Variants in CCDC180 observed in about 807,000 individuals in gnomAD.
The protein encoded by CCDC180 is coiled-coil domain-containing protein 180.
In CCDC180, 154 loss-of-function variants were observed where a neutral mutation model predicts 209.2. The observed-to-expected ratio is 0.74, with a 90% CI of 0.65 to 0.84. The LOEUF (loss-of-function observed/expected upper bound fraction) is 0.84. Ranked by LOEUF, CCDC180 falls within the 40% of genes least tolerant of loss-of-function variation. CCDC180 has a pLI of 0.00. For synonymous variants in CCDC180, 778 were observed against 749.1 expected (o/e 1.04, Z -0.63); for missense variants, 1,874 against 1,997.3 (o/e 0.94, Z 1.18).
chr9:97,328,175 C>CTT, intron 16 of CCDC180, 29 bp downstream of exon 16: 3 of 1,608,360 alleles, frequency 1.9e-6, no homozygotes, highest in Non-Finnish European at 1.7e-6. Context: ...TACACCCAGC[C>CTT]ACTCATGAAG....
intron 29 of CCDC180, chr9:97,365,442 C>A: frequency 2.0e-6 from 1 of 490,096 alleles, no homozygotes; most frequent in Non-Finnish European, 3.7e-6. Context: ...GAAATTGCAG[C>A]TGAGCTGGGG....
At position 97,330,163 on chromosome 9, in the gene CCDC180, G is replaced by T; in HGVS notation, c.1798G>T (p.Gly600Ter). ...TGGTTTTTCCTTGTAGAACTTGGCT[G>T]GAGAAGTCATTTTCAAATTCAGGCA... ...VREIFEQNLA[G>*]EVIFKFRQPE... is the part of the protein sequence containing the mutation. Residue 600 changes from glycine to a stop codon, truncating the protein, a stop_gained, in exon 17 of 37, where the codon GGA becomes TGA. Transcript: ENST00000529487. LOFTEE classifies it high-confidence loss of function. The T allele has an allele frequency of 6.2e-7, 1 of 1,613,688 alleles. No homozygotes were observed. Among genetic ancestry groups the T allele is most frequent in the South Asian group, 1.1e-5 (1 of 91,060 alleles).
In CCDC180 at chr9:97,307,980, C is replaced by T; in HGVS notation, c.-81-3C>T. ...TTTGGGACGGGCGATTTCCCAACCT[C>T]AGGAATTGGAATTGAGACACCAAAG... On this transcript the variant is annotated splice_polypyrimidine_tract_variant and splice_region_variant and intron_variant, in intron 1 of 36. Coordinates refer to ENST00000529487, the MANE Select transcript of CCDC180 (RefSeq NM_020893.6). 1 of 1,590,048 alleles carries T rather than the reference C, an allele frequency of 6.3e-7. No individual in the cohort carries two copies.
chr9:97,371,860 G>A, intron 34 of CCDC180, 154 bp downstream of exon 34: 4 of 482,404 alleles, frequency 8.3e-6, no homozygotes, highest in South Asian at 4.8e-5. Flanking sequence ...ATAATTTTTT[G>A]ATTAAAAAGC....
Position 97,314,738 on chromosome 9 carries a change from C to T in CCDC180, c.699+10C>T. Reference sequence around the variant, plus strand: ...CTCCCGAACCGATAAAGTAAGTCGGCTGCAGGTGGGCTGTGTGGTGACTGT... The same window carrying T: ...CTCCCGAACCGATAAAGTAAGTCGGTTGCAGGTGGGCTGTGTGGTGACTGT... On this transcript the variant is annotated intron_variant, in intron 7 of 36. Coordinates refer to ENST00000529487, the MANE Select transcript of CCDC180 (RefSeq NM_020893.6). The T allele has an allele frequency of 6.2e-7, 1 of 1,612,072 alleles. No homozygotes were observed. Among genetic ancestry groups the T allele is most frequent in the Non-Finnish European group, 8.5e-7 (1 of 1,178,616 alleles).
chr9:97,323,951 G>A, intron 13 of CCDC180, 48 bp downstream of exon 13: 1 of 1,543,796 alleles, frequency 6.5e-7, no homozygotes, highest in Middle Eastern at 2.1e-4. Context: ...GGGGTTGGGG[G>A]TCCCCGGGGT....
At chr9:97,336,390 G>GT (rs1825905124) in intron 18 of CCDC180, among the ~76,000 whole-genome samples, 1 of 152,218 alleles carries the variant, frequency 6.6e-6, no homozygotes, top group South Asian at 2.1e-4. Flanking sequence ...TGGCTAGCCA[G>GT]TTTTCCCAGC....
At position 97,366,855 on chromosome 9, in the gene CCDC180, A is replaced by G. The variant is rs1051793131; in HGVS notation, c.4189+155A>G. ...GACCTCTTAAAATTAGGTAAAAACAATAATCAGATTTTACTGGGGAAATGC... is the reference window on the plus strand; with the variant it reads ...GACCTCTTAAAATTAGGTAAAAACAGTAATCAGATTTTACTGGGGAAATGC... On this transcript the variant is annotated intron_variant, in intron 31 of 36. Coordinates refer to ENST00000529487, the MANE Select transcript of CCDC180 (RefSeq NM_020893.6). The surrounding 1 kb of genome is among the most constrained non-coding windows in gnomAD (Gnocchi z 4.3). Among the ~76,000 whole-genome samples, 2 of 152,224 alleles carry G rather than the reference A, an allele frequency of 1.3e-5. No homozygotes were observed. The highest frequency in any genetic ancestry group is 1.3e-4 in the Admixed American group (2 of 15,282).
chr9:97,307,483 G>T, upstream of CCDC180: 1 of 596,186 alleles, frequency 1.7e-6, no homozygotes, highest in South Asian at 1.9e-5. Flanking sequence ...GGCTAGGGAG[G>T]GGGATGGCAG....
In CCDC180 at chr9:97,309,558, C is replaced by T; in HGVS notation, c.214C>T (p.His72Tyr). 4 of 1,592,778 alleles carry T rather than the reference C, an allele frequency of 2.5e-6. No individual in the cohort carries two copies. The highest frequency in any genetic ancestry group is 3.4e-6 in the Non-Finnish European group (4 of 1,170,870). The change falls in exon 3 of 37, where the codon CAC becomes TAC. Residue 72 changes from histidine to tyrosine, a missense_variant. Physicochemically the swap from His to Tyr is moderately conservative, Grantham distance 83. Transcript: ENST00000529487. ...GTCTCCCCGACAGCAGAAGTGGATG[C>T]ACAGCCTCCCCAACGACTGGATCAT... ...VMSPRQQKWMHSLPNDWIMEN... is the reference protein window; with the variant it reads ...VMSPRQQKWMYSLPNDWIMEN...
chr9:97,368,745 A>G (rs749143331), intron 31 of CCDC180, among the ~76,000 whole-genome samples: 8 of 152,198 alleles, frequency 5.3e-5, no homozygotes. Flanking sequence ...TGGACATATA[A>G]CAAATTCTCT....
At chr9:97,326,746 G>T in intron 15 of CCDC180, 77 bp downstream of exon 15, 1 of 863,230 alleles carries the variant, frequency 1.2e-6, no homozygotes, top group Non-Finnish European at 1.9e-6. Context: ...GCCTGCCCAA[G>T]AGCCCAGGAG....
intron 11 of CCDC180, among the ~76,000 whole-genome samples, chr9:97,320,616 G>A (rs551823142): frequency 3.7e-4 from 56 of 152,310 alleles, no homozygotes; most frequent in African/African-American, 1.3e-3. Context: ...CTGTAAAATA[G>A]GGATGGCAAG....
At chr9:97,359,302 C>T (rs1459142562) in intron 25 of CCDC180, among the ~76,000 whole-genome samples, 1 of 152,214 alleles carries the variant, frequency 6.6e-6, no homozygotes, top group Non-Finnish European at 1.5e-5. Flanking sequence ...CTGTCCTCTC[C>T]TGTTAGGGTG....
In CCDC180 at chr9:97,349,010, A is replaced by G. The variant is rs1587819035; in HGVS notation, c.2675-101A>G. 2.7e-6 allele frequency: 3 copies of G among 1,099,738 alleles called. No homozygotes were observed. The East Asian group carries it at 7.8e-5, about 29-fold the overall frequency. 68.1% of individuals were successfully genotyped at this position (1,099,738 alleles called of 1,614,324 possible). ...TTGACCTGAATTGTTCCTGTTCTGC[A>G]GCTGGCCTGGAAGAGGCAGCAGGCG... On this transcript the variant is annotated intron_variant, in intron 20 of 36. Transcript: ENST00000529487.
Position 97,327,899 on chromosome 9 carries a change from A to C in CCDC180, c.1662-121A>C, listed in dbSNP as rs183539981. The C allele has an allele frequency of 5.1e-5, 55 of 1,070,850 alleles. No individual in the cohort carries two copies. In the African/African-American group the frequency reaches 8.1e-4, roughly 16 times the overall value. 66.3% of individuals were successfully genotyped at this position (1,070,850 alleles called of 1,614,324 possible). ...AATAGCATAGCCAAGGACTGCTGCTATAAAAGAGCAGCCACACAGCAGCTC... is the reference window on the plus strand; with the variant it reads ...AATAGCATAGCCAAGGACTGCTGCTCTAAAAGAGCAGCCACACAGCAGCTC... On this transcript the variant is annotated intron_variant, in intron 15 of 36. Coordinates refer to ENST00000529487, the MANE Select transcript of CCDC180 (RefSeq NM_020893.6).
intron 25 of CCDC180, 120 bp from the exon 26 acceptor site, chr9:97,359,862 C>T: frequency 2.3e-6 from 3 of 1,312,140 alleles, no homozygotes; most frequent in Non-Finnish European, 3.2e-6. Context: ...TGTGAGGAGC[C>T]TCCATTAAGC....
chr9:97,309,771 G>A (rs1407305314), intron 3 of CCDC180, among the ~76,000 whole-genome samples, 167 bp downstream of exon 3: 6 of 152,202 alleles, frequency 3.9e-5, no homozygotes, highest in Non-Finnish European at 7.4e-5. Flanking sequence ...TGCTTCTCTC[G>A]CCCCCATTCC....
intron 4 of CCDC180, among the ~76,000 whole-genome samples, chr9:97,312,685 C>G (rs930848361): frequency 6.7e-6 from 1 of 149,798 alleles, no homozygotes; most frequent in Non-Finnish European, 1.5e-5. Flanking sequence ...CCAGCCCCCA[C>G]CCCAACCCAC....
Sources: allele counts gnomAD v4.1 joint callset (sites outside exome capture counted in the v4.1 genomes callset), GRCh38; gene constraint gnomAD v4.1.1; non-coding constraint Gnocchi (gnomAD v3.1); transcripts MANE v1.5; gene names NCBI Gene and HGNC (gene_info 2026-07-23, HGNC 2026-07-21).